MERTK: variants seen among roughly 807,000 people sequenced by gnomAD.
MERTK encodes the protein tyrosine-protein kinase Mer.
MERTK carries 69 observed loss-of-function variants against 99.3 expected under a neutral mutation model. The observed-to-expected ratio is 0.70, with a 90% confidence interval of 0.57 to 0.85. The LOEUF is 0.85. MERTK is among the 40% of genes least tolerant of loss of function. MERTK has a pLI of 0.00. For synonymous variants in MERTK, 426 were observed against 467.6 expected, an observed-to-expected ratio of 0.91 and a Z score of 1.15; for missense variants, 1,125 against 1,249.4, an observed-to-expected ratio of 0.90 and a Z score of 1.50.
chr2:112,024,682 A>G (rs1055709514), intron 18 of MERTK, among the ~76,000 whole-genome samples: 2 of 152,202 alleles, frequency 1.3e-5, no homozygotes, highest in African/African-American at 4.8e-5. Context: ...TAATCCTAGC[A>G]CTTTGGGAGG....
At chr2:111,906,572 A>G (rs1684139807) in intron 1 of MERTK, among the ~76,000 whole-genome samples, 1 of 152,250 alleles carries the variant, frequency 6.6e-6, no homozygotes. Flanking sequence ...ATAAATATTC[A>G]TGGACTTCCC....
At chr2:111,916,093 TATAA>T (rs1299066761) in intron 1 of MERTK, among the ~76,000 whole-genome samples, 9 of 152,154 alleles carry the variant, frequency 5.9e-5, no homozygotes, top group African/African-American at 2.2e-4. Context: ...AAGAGTGTTC[TATAA>T]ATATAGATTA....
At chr2:111,958,170 C>T (rs536766159) in intron 4 of MERTK, among the ~76,000 whole-genome samples, 17 of 152,000 alleles carry the variant, frequency 1.1e-4, no homozygotes, top group East Asian at 1.9e-4. Context: ...TTCCAGTGCC[C>T]GGGGCCATTC....
At chr2:111,956,365 A>G (rs955853123) in intron 4 of MERTK, among the ~76,000 whole-genome samples, 2 of 152,212 alleles carry the variant, frequency 1.3e-5, no homozygotes, top group Non-Finnish European at 2.9e-5. Flanking sequence ...TTTTATATGC[A>G]ATAGTTACTA....
chr2:111,957,693 C>T (rs1049685233), intron 4 of MERTK, among the ~76,000 whole-genome samples: 2 of 152,084 alleles, frequency 1.3e-5, no homozygotes, highest in Non-Finnish European at 2.9e-5. Context: ...AAATGTCTGG[C>T]TTGTAGTACA....
At chr2:112,020,932 A>T (rs11893308) in intron 16 of MERTK, among the ~76,000 whole-genome samples, 8 of 151,366 alleles carry the variant, frequency 5.3e-5, no homozygotes, top group Non-Finnish European at 1.2e-4. Flanking sequence ...GGTAGCTCAT[A>T]CCTGTAATCC....
rs111260821 is a variant in MERTK at position 111,977,871 on chromosome 2, G to A, written c.1144+2399G>A. On this transcript the variant is annotated intron_variant, in intron 7 of 18. Coordinates refer to ENST00000295408, the MANE Select transcript of MERTK (RefSeq NM_006343.3). Reference sequence around the variant, plus strand: ...CAGTTTATATTTCATCTCATACACCGTAATTTTTATCTCTTTTTTGCATTT... The same window carrying A: ...CAGTTTATATTTCATCTCATACACCATAATTTTTATCTCTTTTTTGCATTT... 1.3e-3 allele frequency among the ~76,000 whole-genome samples: 201 copies of A among 152,112 alleles called. 1 individual carries two copies. The highest frequency in any genetic ancestry group is 0.01 in the Middle Eastern group (3 of 294).
chr2:111,994,721 G>A (rs1480100563), intron 9 of MERTK: 1 of 391,180 alleles, frequency 2.6e-6, no homozygotes, highest in Non-Finnish European at 4.9e-6. Context: ...AGAGATTGCA[G>A]TGAGTTATGA....
chr2:111,911,755 TC>T (rs1484115129), intron 1 of MERTK, among the ~76,000 whole-genome samples: 1 of 134,070 alleles, frequency 7.5e-6, no homozygotes, highest in Non-Finnish European at 1.6e-5. Flanking sequence ...AGTGGTGCCA[TC>T]ATAGCTCACT....
intron 6 of MERTK, among the ~76,000 whole-genome samples, chr2:111,970,261 A>G (rs1255642923): frequency 6.6e-6 from 1 of 151,548 alleles, no homozygotes; most frequent in African/African-American, 2.4e-5. Context: ...GGTGCAAGCA[A>G]TTCTCCTGCC....
At chr2:111,906,383 G>A (rs978764019) in intron 1 of MERTK, among the ~76,000 whole-genome samples, 1 of 152,204 alleles carries the variant, frequency 6.6e-6, no homozygotes, top group African/African-American at 2.4e-5. Context: ...GTTATTTTAA[G>A]CCTTAGGGCC....
rs927770764 is a variant in MERTK, at chr2:112,003,154, A to G, written c.1753A>G (p.Asn585Asp). ...ACTAGAAGATGTTGTGATTGACAGG[A>G]ATCTTCTAATTCTTGGAAAAATTCT... The part of the protein sequence containing the change: ...NKLEDVVIDR[N>D]LLILGKILGE... Residue 585 changes from asparagine to aspartate, a missense_variant, in exon 12 of 19, where the codon AAT becomes GAT. Asn to Asp is a conservative substitution (Grantham distance 23). Coordinates refer to ENST00000295408, the MANE Select transcript of MERTK (RefSeq NM_006343.3). 8.1e-6 allele frequency: 13 copies of G among 1,599,796 alleles called. No individual in the cohort carries two copies. The Middle Eastern group carries it at 1.0e-3, about 124-fold the overall frequency.
chr2:111,948,662 T>G (rs562723831), intron 4 of MERTK, among the ~76,000 whole-genome samples: 78 of 152,334 alleles, frequency 5.1e-4, no homozygotes, highest in Admixed American at 9.8e-4. Context: ...TTCTGTCAGT[T>G]CTGCTCCTAC....
chr2:111,997,929 G>A (rs1342178235), intron 10 of MERTK, among the ~76,000 whole-genome samples: 1 of 152,210 alleles, frequency 6.6e-6, no homozygotes, highest in African/African-American at 2.4e-5. Flanking sequence ...GCACACGCCT[G>A]TAATCCCAGC....
At chr2:111,947,347 C>G (rs746531604) in intron 3 of MERTK, 47 bp from the exon 4 acceptor site, 2 of 1,541,386 alleles carry the variant, frequency 1.3e-6, no homozygotes, top group East Asian at 2.5e-5. Context: ...GGCTCTGTCT[C>G]TGTTTTCAGA....
intron 2 of MERTK, among the ~76,000 whole-genome samples, chr2:111,929,835 G>C (rs1684639252): frequency 6.6e-6 from 1 of 151,312 alleles, no homozygotes; most frequent in Non-Finnish European, 1.5e-5. Context: ...TCCTGACCTT[G>C]GGTGATCCGG....
rs552605418 is a variant in MERTK, at chr2:111,989,026, G to A, written c.1297-5225G>A. ...AGCTCAGAGATGCTGGGTAACTGCC[G>A]CAGAGTCATAAAGGTTGGGCTAAAA... On this transcript the variant is annotated intron_variant, in intron 8 of 18. Transcript: ENST00000295408. Among the ~76,000 whole-genome samples the A allele has an allele frequency of 7.2e-5, 11 of 152,252 alleles. No homozygotes were observed. In the South Asian group the frequency reaches 8.3e-4, roughly 12 times the overall value.
intron 15 of MERTK, among the ~76,000 whole-genome samples, chr2:112,015,115 T>C (rs1407159414): frequency 6.6e-6 from 1 of 152,218 alleles, no homozygotes; most frequent in Non-Finnish European, 1.5e-5. Context: ...TTTCTAGGTT[T>C]TAGCAATCAT....
In MERTK at chr2:111,929,404, T is replaced by G; in HGVS notation, c.346T>G (p.Ser116Ala). 6.2e-7 allele frequency: 1 copy of G among 1,614,076 alleles called. No individual in the cohort carries two copies. Among genetic ancestry groups the G allele is most frequent in the Non-Finnish European group, 8.5e-7 (1 of 1,180,016 alleles). The change falls in exon 2 of 19, where the codon TCA (serine) becomes GCA (alanine). Residue 116 changes from serine to alanine, a missense_variant. Physicochemically the swap from Ser to Ala is moderately conservative, Grantham distance 99. Coordinates refer to ENST00000295408, the MANE Select transcript of MERTK (RefSeq NM_006343.3). ...SEHKGVKFNC[S>A]ISVPNIYQDT... ...ACATAAAGGTGTCAAATTTAATTGC[T>G]CAATCAGTGTACCTAATATATACCA...
Sources: allele counts gnomAD v4.1 joint callset (sites outside exome capture counted in the v4.1 genomes callset), GRCh38; gene constraint gnomAD v4.1.1; transcripts MANE v1.5; gene names NCBI Gene and HGNC (gene_info 2026-07-23, HGNC 2026-07-21).